The following DOCK8 variants were observed in gnomAD, a reference collection of about 807,000 sequenced individuals.
DOCK8 encodes the protein dedicator of cytokinesis 8.
In DOCK8, 141 loss-of-function variants were observed where a neutral mutation model predicts 245.6. The ratio of observed to expected loss-of-function variants is 0.57; its 90% CI spans 0.50 to 0.66. The LOEUF is 0.66. Among genes scored for constraint, DOCK8 ranks in the 30% least tolerant of loss-of-function variants. DOCK8 has a pLI of 0.00. For missense variants in DOCK8, 2,965 were observed against 2,603.4 expected (o/e 1.14, Z -3.02); for synonymous variants, 1,168 against 970.2 (o/e 1.20, Z -3.79).
At chr9:243,907 G>A (rs1224672669) in intron 1 of DOCK8, among the ~76,000 whole-genome samples, 8 of 151,986 alleles carry the variant, frequency 5.3e-5, no homozygotes, top group Non-Finnish European at 8.8e-5. Context: ...AGCTCTCGCC[G>A]GGCGCGGTGG....
At chr9:291,203 T>C (rs1487248691) in intron 4 of DOCK8, among the ~76,000 whole-genome samples, 3 of 152,220 alleles carry the variant, frequency 2.0e-5, no homozygotes, top group African/African-American at 4.8e-5. Flanking sequence ...TCAGATTTAT[T>C]TTCTATTTCG....
At chr9:403,614 A>T (rs1164682181) in intron 26 of DOCK8, among the ~76,000 whole-genome samples, 3 of 152,062 alleles carry the variant, frequency 2.0e-5, no homozygotes, top group Admixed American at 6.6e-5. Flanking sequence ...CTGTAATCCC[A>T]GCACTTTGGG....
chr9:267,536 A>G (rs958344831), intron 1 of DOCK8, among the ~76,000 whole-genome samples: 3 of 152,188 alleles, frequency 2.0e-5, no homozygotes, highest in African/African-American at 7.2e-5. Flanking sequence ...ATGAACTTAC[A>G]TAACTTCACA....
At chr9:369,828 G>A (rs1343143173) in intron 15 of DOCK8, 4 of 237,834 alleles carry the variant, frequency 1.7e-5, no homozygotes, top group Non-Finnish European at 2.5e-5. Context: ...TTTTGAGACA[G>A]GATCTCACTC....
intron 28 of DOCK8, among the ~76,000 whole-genome samples, chr9:411,439 T>G (rs941746772): frequency 2.2e-4 from 33 of 150,624 alleles, no homozygotes; most frequent in Non-Finnish European, 2.7e-4. Context: ...TAATAATATA[T>G]TTTAAAATTT....
At position 365,485 on chromosome 9, in the gene DOCK8, C is replaced by T. The variant is rs1273989912; in HGVS notation, c.1680-2533C>T. 2.2e-5 allele frequency: 9 copies of T among 417,644 alleles called. No homozygotes were observed. In the East Asian group the frequency reaches 4.9e-4, roughly 23 times the overall value. 25.9% of individuals were successfully genotyped at this position (417,644 alleles called of 1,614,324 possible). A position where few individuals can be genotyped will look rare whatever the true frequency, so the allele number is the denominator to read the frequency against. On this transcript the variant is annotated intron_variant, in intron 14 of 47. Coordinates refer to ENST00000432829, the MANE Select transcript of DOCK8 (RefSeq NM_203447.4). ...AGTAAGTCACTTCTCAAAAATCATG[C>T]CTTTAGAAGCATATATCATGCTTCT...
intron 4 of DOCK8, among the ~76,000 whole-genome samples, chr9:290,232 C>G (rs2048981751): frequency 6.6e-6 from 1 of 151,876 alleles, no homozygotes; most frequent in Non-Finnish European, 1.5e-5. Flanking sequence ...GAATGTGGCC[C>G]AACACAAATT....
intron 2 of DOCK8, among the ~76,000 whole-genome samples, chr9:272,268 C>T (rs920037597): frequency 6.6e-5 from 10 of 152,114 alleles, no homozygotes; most frequent in African/African-American, 1.4e-4. Flanking sequence ...CGTTCCCCAG[C>T]GCGCTTTTAC....
At chr9:288,254 A>G (rs1410698167) in intron 3 of DOCK8, among the ~76,000 whole-genome samples, 2 of 152,188 alleles carry the variant, frequency 1.3e-5, no homozygotes, top group African/African-American at 4.8e-5. Flanking sequence ...TCATCACACC[A>G]GAGTAAACAA....
chr9:401,085 C>T (rs796202649), intron 26 of DOCK8, among the ~76,000 whole-genome samples: 2 of 144,316 alleles, frequency 1.4e-5, no homozygotes, highest in Non-Finnish European at 3.0e-5. Flanking sequence ...ACCACCACCA[C>T]CTCCACCACC....
At chr9:354,663 A>G (rs2052339216) in intron 14 of DOCK8, among the ~76,000 whole-genome samples, 1 of 152,164 alleles carries the variant, frequency 6.6e-6, no homozygotes, top group Admixed American at 6.5e-5. Context: ...AAGCTCACTC[A>G]TGTGGCTGTT....
chr9:296,975 G>A (rs1392622372), intron 4 of DOCK8, among the ~76,000 whole-genome samples: 5 of 152,126 alleles, frequency 3.3e-5, no homozygotes, highest in African/African-American at 1.2e-4. Context: ...TTAAATGGAT[G>A]CATCCTCACC....
chr9:398,798 A>G (rs1210296234), intron 25 of DOCK8, among the ~76,000 whole-genome samples: 1 of 151,912 alleles, frequency 6.6e-6, no homozygotes, highest in Non-Finnish European at 1.5e-5. Flanking sequence ...TTTGCCAAAA[A>G]AAAAGAAAAT....
chr9:395,002 G>A (rs2054380375), intron 24 of DOCK8, among the ~76,000 whole-genome samples: 1 of 152,206 alleles, frequency 6.6e-6, no homozygotes, highest in Admixed American at 6.5e-5. Context: ...GTGCTGGGAT[G>A]GTTAGCCTGC....
chr9:446,705 A>G, intron 44 of DOCK8, 99 bp downstream of exon 44: 1 of 1,042,084 alleles, frequency 9.6e-7, no homozygotes. Context: ...GACTGAAAAC[A>G]AGGAGGGATG....
At chr9:393,832 G>A (rs540263341) in intron 24 of DOCK8, among the ~76,000 whole-genome samples, 1 of 152,302 alleles carries the variant, frequency 6.6e-6, no homozygotes, top group South Asian at 2.1e-4. Flanking sequence ...GCCCAAAAGG[G>A]TTAACTGAAA....
At chr9:433,277 G>A (rs1306851355) in intron 37 of DOCK8, among the ~76,000 whole-genome samples, 1 of 152,316 alleles carries the variant, frequency 6.6e-6, no homozygotes, top group Middle Eastern at 3.4e-3. Context: ...AATTTTAGGA[G>A]CCCTGGCAAG....
chr9:422,957 C>G (rs923085637), intron 33 of DOCK8, among the ~76,000 whole-genome samples: 6 of 149,700 alleles, frequency 4.0e-5, no homozygotes, highest in African/African-American at 1.2e-4. Flanking sequence ...TGCACTCCAG[C>G]CTGGGTGACA....
chr9:265,270 C>G (rs539614047), intron 1 of DOCK8, among the ~76,000 whole-genome samples: 3 of 152,164 alleles, frequency 2.0e-5, no homozygotes, highest in Admixed American at 6.5e-5. Context: ...CCTGCCCTAA[C>G]CTTGTAACTT....
Sources: allele counts gnomAD v4.1 joint callset (sites outside exome capture counted in the v4.1 genomes callset), GRCh38; gene constraint gnomAD v4.1.1; transcripts MANE v1.5; gene names NCBI Gene and HGNC (gene_info 2026-07-23, HGNC 2026-07-21).